Variants in CTCF observed in about 807,000 individuals in gnomAD.
The protein encoded by CTCF is CCCTC-binding factor, also known as transcriptional repressor CTCF.
A neutral mutation model predicts 72.3 loss-of-function variants in CTCF; 7 were observed. That is an observed-to-expected ratio of 0.10 (90% CI 0.06 to 0.18). The LOEUF (loss-of-function observed/expected upper bound fraction) is 0.18. CTCF is among the 10% of genes least tolerant of loss of function. The pLI is 1.00. For missense variants in CTCF, 516 were observed against 949.1 expected, an observed-to-expected ratio of 0.54 and a Z score of 6.00; for synonymous variants, 374 against 315.8, an observed-to-expected ratio of 1.18 and a Z score of -1.95.
intron 9 of CTCF, 81 bp downstream of exon 9, chr16:67,628,633 T>C (rs2052322179): frequency 7.2e-7 from 1 of 1,390,614 alleles, no homozygotes; most frequent in South Asian, 1.3e-5. Flanking sequence ...ATGGTAGTTT[T>C]TTTCACTGAG....
intron 5 of CTCF, among the ~76,000 whole-genome samples, chr16:67,618,514 C>T (rs2052162302): frequency 6.6e-6 from 1 of 152,224 alleles, no homozygotes; most frequent in Non-Finnish European, 1.5e-5. Flanking sequence ...GATATTCATT[C>T]TTAATGTTAC....
intron 10 of CTCF, among the ~76,000 whole-genome samples, chr16:67,636,415 G>C (rs2052428694): frequency 6.7e-6 from 1 of 149,826 alleles, no homozygotes; most frequent in African/African-American, 2.5e-5. Flanking sequence ...GGGCATGGTG[G>C]TGCGTGCCTG....
At chr16:67,591,251 C>T (rs942706534) in intron 2 of CTCF, among the ~76,000 whole-genome samples, 11 of 152,096 alleles carry the variant, frequency 7.2e-5, no homozygotes, top group African/African-American at 2.7e-4. Context: ...AAGATCTCAC[C>T]ACTGCACTCC....
chr16:67,587,890 CAG>C (rs988795506), intron 2 of CTCF, among the ~76,000 whole-genome samples: 84 of 152,060 alleles, frequency 5.5e-4, no homozygotes, highest in Non-Finnish European at 2.6e-4. Flanking sequence ...TGTTTTGAGA[CAG>C]AGTCACCCAG....
At chr16:67,598,292 T>C (rs2051841444) in intron 2 of CTCF, among the ~76,000 whole-genome samples, 1 of 152,196 alleles carries the variant, frequency 6.6e-6, no homozygotes, top group African/African-American at 2.4e-5. Context: ...AAGAGTTTTA[T>C]AATCTTCAAA....
intron 2 of CTCF, among the ~76,000 whole-genome samples, chr16:67,605,345 T>A (rs2051960146): frequency 1.3e-5 from 2 of 152,260 alleles, no homozygotes; most frequent in African/African-American, 4.8e-5. Context: ...TAAAGCATTC[T>A]ACAAATGTTC....
intron 2 of CTCF, among the ~76,000 whole-genome samples, chr16:67,600,204 T>C (rs1032985993): frequency 7.2e-5 from 11 of 152,126 alleles, no homozygotes; most frequent in African/African-American, 1.7e-4. Context: ...GAGTCCTTTT[T>C]AGTAAGGACA....
intron 2 of CTCF, among the ~76,000 whole-genome samples, chr16:67,597,062 C>T (rs2051824559): frequency 6.6e-6 from 1 of 152,034 alleles, no homozygotes; most frequent in Non-Finnish European, 1.5e-5. Context: ...GAGACAGGGT[C>T]TCACTCTGCC....
intron 2 of CTCF, among the ~76,000 whole-genome samples, chr16:67,589,451 A>G (rs1415017174): frequency 6.6e-6 from 1 of 152,168 alleles, no homozygotes; most frequent in African/African-American, 2.4e-5. Context: ...TTTGTCAGGC[A>G]AGGTCCACCT....
At chr16:67,599,533 T>G (rs1478539869) in intron 2 of CTCF, among the ~76,000 whole-genome samples, 1 of 152,138 alleles carries the variant, frequency 6.6e-6, no homozygotes, top group Non-Finnish European at 1.5e-5. Flanking sequence ...AGAGAAGCAT[T>G]AAGATGCCAG....
rs377253111 is a variant in CTCF at position 67,566,515 on chromosome 16, TAAAAAAAAAAA to T, written c.-127+3806_-127+3816del. On this transcript the variant is annotated intron_variant, in intron 1 of 11. Transcript: ENST00000264010. ...ACAGAGTGAGACTTTGTCTCAAAAT[TAAAAAAAAAAA>T]AAAAAAAAAAAAAAGATTAGTCTTA... is the stretch of plus-strand genomic sequence containing the variant. Among the ~76,000 whole-genome samples the T allele has an allele frequency of 1.6e-4, 12 of 76,274 alleles. No homozygotes were observed. The South Asian group carries it at 7.2e-3, about 46-fold the overall frequency. 50.0% of individuals were successfully genotyped at this position (76,274 alleles called of 152,430 possible).
At chr16:67,600,136 T>C (rs1377978516) in intron 2 of CTCF, among the ~76,000 whole-genome samples, 1 of 152,158 alleles carries the variant, frequency 6.6e-6, no homozygotes, top group Non-Finnish European at 1.5e-5. Flanking sequence ...CTGGTGGTTC[T>C]TGATGGATGG....
intron 2 of CTCF, among the ~76,000 whole-genome samples, chr16:67,606,512 A>T (rs893984337): frequency 2.0e-5 from 3 of 152,208 alleles, no homozygotes; most frequent in Admixed American, 1.3e-4. Context: ...GGCGTGAGCC[A>T]CCACGCCCGG....
rs1329753812 is a variant in CTCF, at chr16:67,571,143, T to C, written c.-126-5T>C. On this transcript the variant is annotated splice_region_variant and splice_polypyrimidine_tract_variant and intron_variant, in intron 1 of 11. Transcript: ENST00000264010. ...TTCATAAAATGATTTGTGCTTTTCT[T>C]TTAGAATGATTACGGACCTGAAGCC... The C allele has an allele frequency of 3.3e-5, 5 of 152,628 alleles. No individual in the cohort carries two copies. The highest frequency in any genetic ancestry group is 9.6e-5 in the African/African-American group (4 of 41,458). 9.5% of individuals were successfully genotyped at this position (152,628 alleles called of 1,614,324 possible). A position where few individuals can be genotyped will look rare whatever the true frequency, so the allele number is the denominator to read the frequency against.
intron 2 of CTCF, among the ~76,000 whole-genome samples, chr16:67,573,183 C>T (rs926131090): frequency 2.0e-5 from 3 of 151,292 alleles, no homozygotes; most frequent in Non-Finnish European, 4.4e-5. Flanking sequence ...ACCTGGGAGG[C>T]GGAGGTTGCA....
Position 67,612,140 on chromosome 16 carries a change from G to C in CTCF, c.952+19G>C. On this transcript the variant is annotated intron_variant, in intron 4 of 11. Transcript: ENST00000264010. Reference sequence around the variant, plus strand: ...CACACAGGTGCTGGATAAGAATGTTGGGGGCTACAACAGCAAATGCTCAGA... The same window carrying C: ...CACACAGGTGCTGGATAAGAATGTTCGGGGCTACAACAGCAAATGCTCAGA... 1 of 1,599,108 alleles carries C rather than the reference G, an allele frequency of 6.3e-7. No individual in the cohort carries two copies. Among genetic ancestry groups the C allele is most frequent in the Non-Finnish European group, 8.5e-7 (1 of 1,171,714 alleles).
chr16:67,623,279 C>G (rs1227808782), intron 7 of CTCF: 5 of 152,020 alleles, frequency 3.3e-5, no homozygotes, highest in Non-Finnish European at 7.3e-5. Context: ...TTCTTATAAC[C>G]TCTAATTTTC....
intron 2 of CTCF, among the ~76,000 whole-genome samples, chr16:67,586,832 G>C (rs1046898394): frequency 1.3e-5 from 2 of 151,514 alleles, no homozygotes; most frequent in African/African-American, 4.8e-5. Context: ...CTCACTTTCT[G>C]GTCCAGGCTG....
At chr16:67,628,275 G>C (rs780922364) in intron 8 of CTCF, 95 bp from the exon 9 acceptor site, 1 of 1,128,114 alleles carries the variant, frequency 8.9e-7, no homozygotes, top group Non-Finnish European at 1.3e-6. Context: ...CCTAGCTTGG[G>C]TGAGAAATAC....
Sources: gnomAD v4.1 joint callset for allele counts (sites outside exome capture counted in the v4.1 genomes callset) on GRCh38, gnomAD v4.1.1 for gene constraint, MANE v1.5 for transcripts, NCBI Gene and HGNC (gene_info 2026-07-23, HGNC 2026-07-21) for gene names.